SLC24A2: variants seen among roughly 807,000 people sequenced by gnomAD.
SLC24A2 encodes solute carrier family 24 member 2.
A neutral mutation model predicts 62.0 loss-of-function variants in SLC24A2; 36 were observed. The ratio of observed to expected loss-of-function variants is 0.58; its 90% confidence interval spans 0.44 to 0.77. The LOEUF (loss-of-function observed/expected upper bound fraction) is 0.77. Ranked by LOEUF, SLC24A2 falls within the 30% of genes least tolerant of loss-of-function variation. The pLI is 0.00. For missense variants in SLC24A2, 846 were observed against 817.9 expected (o/e 1.03, Z -0.42); for synonymous variants, 358 against 294.0 (o/e 1.22, Z -2.23).
the SLC24A2 span, among the ~76,000 whole-genome samples, chr9:20,056,458 G>A: frequency 6.6e-6 from 1 of 152,160 alleles, no homozygotes; most frequent in East Asian, 1.9e-4. Flanking sequence ...CTAATCCTGT[G>A]AATGACCAAC....
chr9:20,089,772 C>T, the SLC24A2 span, among the ~76,000 whole-genome samples: 51 of 151,540 alleles, frequency 3.4e-4, no homozygotes, highest in Non-Finnish European at 5.5e-4. Flanking sequence ...TTACGGCACC[C>T]CACAGTCACC....
the SLC24A2 span, among the ~76,000 whole-genome samples, chr9:19,919,398 A>G: frequency 2.6e-5 from 4 of 152,190 alleles, no homozygotes; most frequent in East Asian, 7.7e-4. Flanking sequence ...TTTTATTGCT[A>G]CAGTCTCTAA....
the SLC24A2 span, among the ~76,000 whole-genome samples, chr9:19,997,625 A>G: frequency 6.6e-6 from 1 of 152,190 alleles, no homozygotes; most frequent in African/African-American, 2.4e-5. Context: ...GTAAACAGAG[A>G]GAATTTACTG....
rs973244018 is a variant in SLC24A2 at position 19,512,121 on chromosome 9, C to T, written c.*4032G>A. On this transcript the variant is annotated 3_prime_UTR_variant, in exon 11 of 11. Transcript: ENST00000341998. ...GTAGCTCATCTCTTCTCTCACTGTT[C>T]CAGAGGCCTTTAAAAGCTATGTGCA... The T allele has an allele frequency of 6.6e-6, 1 of 152,172 alleles. No homozygotes were observed. The highest frequency in any genetic ancestry group is 1.5e-5 in the Non-Finnish European group (1 of 68,066). The allele number at this position is 152,172 out of a possible 1,614,324, so 9.4% of individuals were successfully genotyped here. A position where few individuals can be genotyped will look rare whatever the true frequency, so the allele number is the denominator to read the frequency against.
chr9:20,036,974 CA>C, the SLC24A2 span, among the ~76,000 whole-genome samples: 1 of 152,100 alleles, frequency 6.6e-6, no homozygotes, highest in East Asian at 1.9e-4. Flanking sequence ...CAGCTCACTG[CA>C]ACCTCTGCCA....
the SLC24A2 span, among the ~76,000 whole-genome samples, chr9:19,795,321 G>T: frequency 6.8e-6 from 1 of 146,410 alleles, no homozygotes; most frequent in Non-Finnish European, 1.5e-5. Flanking sequence ...AGCCTGTTTG[G>T]GGTTCATGCC....
the SLC24A2 span, among the ~76,000 whole-genome samples, chr9:19,810,657 T>C: frequency 1.3e-5 from 2 of 152,230 alleles, no homozygotes; most frequent in African/African-American, 4.8e-5. Context: ...TCCGCTTAAG[T>C]AGCCAGTTAT....
At chr9:19,991,359 A>G in the SLC24A2 span, among the ~76,000 whole-genome samples, 3 of 152,166 alleles carry the variant, frequency 2.0e-5, no homozygotes, top group Non-Finnish European at 4.4e-5. Flanking sequence ...CAGCCAGTCT[A>G]GTCCTTCCAT....
At chr9:20,052,442 C>T in the SLC24A2 span, among the ~76,000 whole-genome samples, 1 of 152,168 alleles carries the variant, frequency 6.6e-6, no homozygotes, top group African/African-American at 2.4e-5. Flanking sequence ...AACAATTGCA[C>T]CAAATTAACA....
the SLC24A2 span, among the ~76,000 whole-genome samples, chr9:20,176,086 T>C: frequency 6.6e-6 from 1 of 151,996 alleles, no homozygotes; most frequent in Non-Finnish European, 1.5e-5. Context: ...GTAACAACAC[T>C]TGGGCTTTTT....
rs1379221442 is a variant in SLC24A2 at position 19,508,909 on chromosome 9, G to A, written c.*7244C>T. 1.3e-5 allele frequency: 2 copies of A among 152,174 alleles called. No homozygotes were observed. 9.4% of individuals were successfully genotyped at this position (152,174 alleles called of 1,614,324 possible). On this transcript the variant is annotated 3_prime_UTR_variant, in exon 11 of 11. Transcript: ENST00000341998. ...AGTGTACCATACTAGGTTAGAAATT[G>A]TGTATTTTAGCGGAGAGGAGGAAAA...
chr9:19,551,341 C>G (rs538639866), intron 7 of SLC24A2, among the ~76,000 whole-genome samples: 108 of 152,288 alleles, frequency 7.1e-4, no homozygotes, highest in Non-Finnish European at 2.6e-4. Context: ...AGCCAATGGC[C>G]AGCGTTTTAT....
the SLC24A2 span, among the ~76,000 whole-genome samples, chr9:20,164,892 C>T: frequency 1.9e-4 from 29 of 148,958 alleles, 1 homozygote; most frequent in South Asian, 6.4e-4. Context: ...GAACAACAAA[C>T]GAAACACCGC....
At chr9:19,983,523 G>C in the SLC24A2 span, among the ~76,000 whole-genome samples, 1 of 152,096 alleles carries the variant, frequency 6.6e-6, no homozygotes, top group Non-Finnish European at 1.5e-5. Flanking sequence ...TTCACCTGTA[G>C]TCCCAGCTGC....
chr9:20,042,282 A>G, the SLC24A2 span, among the ~76,000 whole-genome samples: 2 of 152,210 alleles, frequency 1.3e-5, no homozygotes, highest in African/African-American at 4.8e-5. Flanking sequence ...GAACAACTTC[A>G]CTTAAAGATA....
At chr9:19,575,604 G>A (rs1835986687) in intron 6 of SLC24A2, among the ~76,000 whole-genome samples, 2 of 152,196 alleles carry the variant, frequency 1.3e-5, no homozygotes, top group South Asian at 2.1e-4. Flanking sequence ...GTCATTCAGA[G>A]ACCCAATAAC....
intron 7 of SLC24A2, among the ~76,000 whole-genome samples, chr9:19,558,887 G>C (rs893898204): frequency 6.6e-6 from 1 of 152,212 alleles, no homozygotes; most frequent in Admixed American, 6.5e-5. Context: ...TATATAGTGA[G>C]TGTGTGGGAG....
intron 8 of SLC24A2, among the ~76,000 whole-genome samples, chr9:19,544,467 T>C (rs1834446464): frequency 6.6e-6 from 1 of 152,256 alleles, no homozygotes; most frequent in African/African-American, 2.4e-5. Context: ...TTTGATTCTG[T>C]CATTATGATG....
intron 2 of SLC24A2, among the ~76,000 whole-genome samples, chr9:19,694,043 T>C (rs7874389): frequency 0.03 from 4,591 of 152,056 alleles, 257 homozygotes; most frequent in African/African-American, 0.11. Flanking sequence ...ACAAAATTAA[T>C]TAGTTCAACT....
Sources: gnomAD v4.1 joint callset for allele counts (sites outside exome capture counted in the v4.1 genomes callset) on GRCh38, gnomAD v4.1.1 for gene constraint, MANE v1.5 for transcripts, NCBI Gene and HGNC (gene_info 2026-07-23, HGNC 2026-07-21) for gene names.